The following PPM1L variants were observed in gnomAD, a reference collection of about 807,000 sequenced individuals.
PPM1L encodes protein phosphatase 1L.
In PPM1L, 13 loss-of-function variants were observed where a neutral mutation model predicts 31.4. That is an observed-to-expected ratio of 0.41 (90% CI 0.27 to 0.66). PPM1L has a LOEUF of 0.66. PPM1L is among the 30% of genes least tolerant of loss of function. The probability of loss-of-function intolerance (pLI) is 0.29; values close to 1 mark genes in which losing one functional copy is unlikely to be tolerated. For missense variants in PPM1L, 326 were observed against 453.7 expected (o/e 0.72, Z 2.56); for synonymous variants, 184 against 175.4 (o/e 1.05, Z -0.39).
chr3:161,056,923 C>G (rs1719429013), intron 2 of PPM1L, among the ~76,000 whole-genome samples: 1 of 151,960 alleles, frequency 6.6e-6, no homozygotes, highest in Non-Finnish European at 1.5e-5. Flanking sequence ...TTAGCCTGGG[C>G]ATGGTGGCGC....
intron 1 of PPM1L, among the ~76,000 whole-genome samples, chr3:160,776,607 T>TC (rs1323459114): frequency 6.7e-6 from 1 of 148,980 alleles, no homozygotes; most frequent in Non-Finnish European, 1.5e-5. Context: ...TTGGTGCCTT[T>TC]TTTTTTTTTT....
chr3:161,057,877 T>A (rs1230112660), intron 2 of PPM1L, among the ~76,000 whole-genome samples: 1 of 151,820 alleles, frequency 6.6e-6, no homozygotes, highest in African/African-American at 2.4e-5. Flanking sequence ...AGAACCCAGG[T>A]TCCCATCAAA....
At chr3:161,002,697 C>T (rs2108053385) in intron 2 of PPM1L, among the ~76,000 whole-genome samples, 1 of 143,312 alleles carries the variant, frequency 7.0e-6, no homozygotes, top group Non-Finnish European at 1.5e-5. Context: ...TTGTTTTTTT[C>T]TTGTAAATTT....
At chr3:160,980,002 T>C (rs1716741749) in intron 2 of PPM1L, among the ~76,000 whole-genome samples, 1 of 152,034 alleles carries the variant, frequency 6.6e-6, no homozygotes, top group African/African-American at 2.4e-5. Flanking sequence ...GCTTCTACCA[T>C]AGGTGCTTGG....
At chr3:160,908,392 A>T (rs952062282) in intron 1 of PPM1L, among the ~76,000 whole-genome samples, 1 of 152,248 alleles carries the variant, frequency 6.6e-6, no homozygotes, top group East Asian at 1.9e-4. Context: ...TGTTGTTCAC[A>T]CAAACAAATA....
At position 160,807,109 on chromosome 3, in the gene PPM1L, G is replaced by A. The variant is rs528959242; in HGVS notation, c.399+50402G>A. ...GTGCAGCCAAAGTTGAGAGCCACTG[G>A]TCTAGGACATGTAGGATTATGTAAA... On this transcript the variant is annotated intron_variant, in intron 1 of 3. Coordinates refer to ENST00000498165, the MANE Select transcript of PPM1L (RefSeq NM_139245.4). Among the ~76,000 whole-genome samples, 4 of 152,308 alleles carry A rather than the reference G, an allele frequency of 2.6e-5. No homozygotes were observed. The East Asian group carries it at 7.7e-4, about 29-fold the overall frequency.
intron 1 of PPM1L, among the ~76,000 whole-genome samples, chr3:160,888,048 A>T (rs1712985731): frequency 6.6e-6 from 1 of 152,224 alleles, no homozygotes; most frequent in Non-Finnish European, 1.5e-5. Context: ...AAATACGAAA[A>T]GGAAAAACTG....
chr3:160,907,360 G>C (rs1331875097), intron 1 of PPM1L, among the ~76,000 whole-genome samples: 1 of 152,128 alleles, frequency 6.6e-6, no homozygotes, highest in East Asian at 1.9e-4. Flanking sequence ...GTTCATTGAA[G>C]CTACCTAGCT....
chr3:160,913,616 G>T (rs1714047061), intron 1 of PPM1L, among the ~76,000 whole-genome samples: 1 of 152,056 alleles, frequency 6.6e-6, no homozygotes, highest in Non-Finnish European at 1.5e-5. Context: ...ATGTAAATTT[G>T]TCTTCTCTAG....
chr3:161,005,111 T>C (rs1717659888), intron 2 of PPM1L, among the ~76,000 whole-genome samples: 1 of 152,226 alleles, frequency 6.6e-6, no homozygotes, highest in East Asian at 1.9e-4. Context: ...TGTTGTGTCT[T>C]TGTTCTCATT....
intron 1 of PPM1L, among the ~76,000 whole-genome samples, chr3:160,915,136 T>G (rs571259021): frequency 1.3e-5 from 2 of 152,128 alleles, no homozygotes; most frequent in Non-Finnish European, 2.9e-5. Flanking sequence ...TTGCAGGTGA[T>G]ATGATTGTAT....
chr3:160,987,658 G>A (rs1341215708), intron 2 of PPM1L, among the ~76,000 whole-genome samples: 1 of 152,192 alleles, frequency 6.6e-6, no homozygotes, highest in African/African-American at 2.4e-5. Context: ...GCTTGGGCAA[G>A]GGAAGGGCTC....
intron 1 of PPM1L, among the ~76,000 whole-genome samples, chr3:160,918,824 G>C (rs1714282859): frequency 6.6e-6 from 1 of 152,092 alleles, no homozygotes; most frequent in South Asian, 2.1e-4. Flanking sequence ...CCAGAAAAGA[G>C]AAAAAGCTCA....
chr3:161,047,446 C>T (rs1219543827), intron 2 of PPM1L, among the ~76,000 whole-genome samples: 4 of 152,136 alleles, frequency 2.6e-5, no homozygotes, highest in African/African-American at 9.7e-5. Flanking sequence ...AGGTTACAAA[C>T]AAATGGAAGA....
intron 1 of PPM1L, among the ~76,000 whole-genome samples, chr3:160,866,504 A>G (rs990730200): frequency 7.9e-5 from 12 of 152,208 alleles, no homozygotes; most frequent in African/African-American, 2.7e-4. Flanking sequence ...AATTCTTACT[A>G]TTTTAGATAA....
chr3:161,018,505 A>C (rs1171615007), intron 2 of PPM1L, among the ~76,000 whole-genome samples: 1 of 152,148 alleles, frequency 6.6e-6, no homozygotes, highest in African/African-American at 2.4e-5. Context: ...GATACTATAA[A>C]CTACAATTGA....
chr3:161,011,594 A>G (rs9853470), intron 2 of PPM1L, among the ~76,000 whole-genome samples: 52,762 of 149,734 alleles, frequency 0.35, 9,667 homozygotes, highest in East Asian at 0.63. Context: ...TTGAATCTAT[A>G]AATTACCTTG....
intron 1 of PPM1L, among the ~76,000 whole-genome samples, chr3:160,810,090 T>A (rs1712764432): frequency 6.6e-6 from 1 of 151,934 alleles, no homozygotes; most frequent in African/African-American, 2.4e-5. Flanking sequence ...CTTGGTGTCT[T>A]GCATCATGAC....
At position 161,075,591 on chromosome 3, in the gene PPM1L, T is replaced by C. The variant is rs765056457; in HGVS notation, c.*6434T>C. ...GTTTGGAACACTTTTTAATAAAAAA[T>C]TGTAAAATCAGTTTCCAGTGTGGTC... On this transcript the variant is annotated 3_prime_UTR_variant, in exon 4 of 4. Coordinates refer to ENST00000498165, the MANE Select transcript of PPM1L (RefSeq NM_139245.4). 2.0e-5 allele frequency: 3 copies of C among 152,168 alleles called. No individual in the cohort carries two copies. Among genetic ancestry groups the C allele is most frequent in the Non-Finnish European group, 2.9e-5 (2 of 68,026 alleles). 9.4% of individuals were successfully genotyped at this position (152,168 alleles called of 1,614,324 possible).
Sources: allele counts gnomAD v4.1 joint callset (sites outside exome capture counted in the v4.1 genomes callset), GRCh38; gene constraint gnomAD v4.1.1; transcripts MANE v1.5; gene names NCBI Gene and HGNC (gene_info 2026-07-23, HGNC 2026-07-21).